The following ATE1 variants were observed in gnomAD, a reference collection of about 807,000 sequenced individuals.
ATE1 encodes the protein arginyl-tRNA--protein transferase 1.
In ATE1, 36 loss-of-function variants were observed where a neutral mutation model predicts 70.5. The ratio of observed to expected loss-of-function variants is 0.51; its 90% CI spans 0.39 to 0.67. The LOEUF (loss-of-function observed/expected upper bound fraction) is 0.67. Ranked by LOEUF, ATE1 falls within the 30% of genes least tolerant of loss-of-function variation. The pLI is 0.00. For synonymous variants in ATE1, 232 were observed against 219.3 expected, an observed-to-expected ratio of 1.06 and a Z score of -0.51; for missense variants, 593 against 629.5, an observed-to-expected ratio of 0.94 and a Z score of 0.62.
chr10:121,809,718 A>T (rs1194895556), intron 10 of ATE1, among the ~76,000 whole-genome samples: 1 of 152,008 alleles, frequency 6.6e-6, no homozygotes, highest in Non-Finnish European at 1.5e-5. Flanking sequence ...TCCAAAAGGC[A>T]CTTAGGGACT....
At chr10:121,838,946 A>G (rs1215719328) in intron 9 of ATE1, among the ~76,000 whole-genome samples, 2 of 152,240 alleles carry the variant, frequency 1.3e-5, no homozygotes, top group African/African-American at 2.4e-5. Context: ...TAAGAAACTT[A>G]AGAAATTGAG....
At chr10:121,891,655 A>G (rs964196266) in intron 7 of ATE1, among the ~76,000 whole-genome samples, 3 of 152,238 alleles carry the variant, frequency 2.0e-5, no homozygotes, top group African/African-American at 4.8e-5. Context: ...TAGAATAGCC[A>G]GGCAATCTAT....
intron 10 of ATE1, among the ~76,000 whole-genome samples, chr10:121,791,563 A>T (rs1304438278): frequency 6.6e-6 from 1 of 152,164 alleles, no homozygotes. Flanking sequence ...GTATTCTTTG[A>T]GCTTATTTAA....
chr10:121,904,139 T>G, intron 5 of ATE1, among the ~76,000 whole-genome samples: 1 of 151,548 alleles, frequency 6.6e-6, no homozygotes, highest in Non-Finnish European at 1.5e-5. Context: ...TGTGCCACCA[T>G]GCCTGGCTAA....
chr10:121,817,606 G>A (rs1947610496), intron 10 of ATE1, among the ~76,000 whole-genome samples: 1 of 151,636 alleles, frequency 6.6e-6, no homozygotes, highest in Non-Finnish European at 1.5e-5. Context: ...ACAGGCAGAT[G>A]TGAAAAGAAG....
intron 3 of ATE1, among the ~76,000 whole-genome samples, chr10:121,918,150 T>C (rs993007048): frequency 9.2e-5 from 14 of 152,092 alleles, no homozygotes; most frequent in African/African-American, 3.1e-4. Context: ...CTGGCCAATA[T>C]GGTGAAACCC....
chr10:121,846,058 AT>A (rs1349580136), intron 8 of ATE1, among the ~76,000 whole-genome samples: 3 of 151,408 alleles, frequency 2.0e-5, no homozygotes, highest in Non-Finnish European at 4.4e-5. Flanking sequence ...GAAATAGCTG[AT>A]TCCAGAACTC....
At chr10:121,901,195 A>G (rs1163503805) in intron 6 of ATE1, among the ~76,000 whole-genome samples, 1 of 151,970 alleles carries the variant, frequency 6.6e-6, no homozygotes, top group Non-Finnish European at 1.5e-5. Context: ...TGAACCCAGG[A>G]GGCAGAGGTT....
chr10:121,868,296 GC>G (rs1191826598), intron 8 of ATE1, among the ~76,000 whole-genome samples: 2 of 152,068 alleles, frequency 1.3e-5, no homozygotes, highest in African/African-American at 4.8e-5. Flanking sequence ...CATATTAATT[GC>G]TTCTAGAAGA....
chr10:121,872,013 C>T (rs1949878639), intron 7 of ATE1, among the ~76,000 whole-genome samples: 1 of 152,132 alleles, frequency 6.6e-6, no homozygotes, highest in African/African-American at 2.4e-5. Flanking sequence ...AAAGCCTAGC[C>T]AGTTTTAACA....
At chr10:121,849,459 T>C (rs1480000992) in intron 8 of ATE1, among the ~76,000 whole-genome samples, 1 of 152,202 alleles carries the variant, frequency 6.6e-6, no homozygotes, top group Non-Finnish European at 1.5e-5. Context: ...AACCAGTTTG[T>C]CCTACCATAG....
rs35350755 is a variant in ATE1, at chr10:121,790,176, T to C, written c.1371A>G (p.Pro457=). 15 of 1,613,690 alleles carry C rather than the reference T, an allele frequency of 9.3e-6. No individual in the cohort carries two copies. The highest frequency in any genetic ancestry group is 1.7e-5 in the Admixed American group (1 of 59,990). The part of the protein sequence containing the change: ...NSKYCRFNQD[P]EAVDEDRSTE... ...GCTCAGCTCCAAACATACCTGCTTC[T>C]GGGTCCTGGTTGAAACGGCAGTACT... Residue 457 remains proline (P), a synonymous_variant, in exon 11 of 12, where the codon CCA becomes CCG. Transcript: ENST00000224652.
intron 10 of ATE1, among the ~76,000 whole-genome samples, chr10:121,796,372 A>G (rs1020734048): frequency 6.6e-6 from 1 of 152,202 alleles, no homozygotes; most frequent in African/African-American, 2.4e-5. Flanking sequence ...GTGAGGGATC[A>G]TCACTCAGTT....
Position 121,764,758 on chromosome 10 carries a change from G to A in ATE1, c.1379-20900C>T, listed in dbSNP as rs368071368. Among the ~76,000 whole-genome samples the A allele has an allele frequency of 3.8e-4, 58 of 152,300 alleles. No individual in the cohort carries two copies. In the South Asian group the frequency reaches 0.011, roughly 30 times the overall value. ...GACTCTGCTTACCTGTGCAGAGTGAGGAGCAGAGATGTGTATGCTACCTGC... is the reference window on the plus strand; with the variant it reads ...GACTCTGCTTACCTGTGCAGAGTGAAGAGCAGAGATGTGTATGCTACCTGC... On this transcript the variant is annotated intron_variant, in intron 11 of 11. Coordinates refer to ENST00000224652, the MANE Select transcript of ATE1 (RefSeq NM_001001976.3).
chr10:121,881,876 C>T (rs1226425608), intron 7 of ATE1, among the ~76,000 whole-genome samples: 1 of 152,132 alleles, frequency 6.6e-6, no homozygotes, highest in African/African-American at 2.4e-5. Context: ...TCACTGCAAA[C>T]TCCGCCTCCT....
At chr10:121,924,112 T>G (rs189339794) in intron 2 of ATE1, among the ~76,000 whole-genome samples, 154 bp downstream of exon 2, 2 of 152,166 alleles carry the variant, frequency 1.3e-5, no homozygotes, top group African/African-American at 2.4e-5. Context: ...CCTAACAAAG[T>G]TTTTTAAAAA....
At chr10:121,774,420 GA>G (rs1461773830) in intron 11 of ATE1, among the ~76,000 whole-genome samples, 11 of 152,054 alleles carry the variant, frequency 7.2e-5, no homozygotes, top group Non-Finnish European at 1.3e-4. Flanking sequence ...CATTAACCTA[GA>G]AAAAAATTTT....
chr10:121,820,341 T>G (rs1468027280), intron 10 of ATE1, among the ~76,000 whole-genome samples: 1 of 152,194 alleles, frequency 6.6e-6, no homozygotes, highest in Non-Finnish European at 1.5e-5. Context: ...GGAAAAGCAT[T>G]AATAGATTGT....
rs186977707 is a variant in ATE1 at position 121,874,863 on chromosome 10, A to G, written c.943-4825T>C. On this transcript the variant is annotated intron_variant, in intron 7 of 11. Coordinates refer to ENST00000224652, the MANE Select transcript of ATE1 (RefSeq NM_001001976.3). ...TACTAAAACATACAAAAAATTAGCC[A>G]GGCGTGGTGGCTCACGCCTGTAATC... Among the ~76,000 whole-genome samples the G allele has an allele frequency of 7.0e-3, 1,019 of 145,710 alleles. 20 individuals carry two copies. Among genetic ancestry groups the G allele is most frequent in the African/African-American group, 0.025 (965 of 38,868 alleles).
Sources: allele counts gnomAD v4.1 joint callset (sites outside exome capture counted in the v4.1 genomes callset), GRCh38; gene constraint gnomAD v4.1.1; transcripts MANE v1.5; gene names NCBI Gene and HGNC (gene_info 2026-07-23, HGNC 2026-07-21).